FRY: variants seen among roughly 807,000 people sequenced by gnomAD.
The protein encoded by FRY is protein furry homolog.
A neutral mutation model predicts 348.4 loss-of-function variants in FRY; 128 were observed. The observed-to-expected ratio is 0.37, with a 90% CI of 0.32 to 0.43. The LOEUF (loss-of-function observed/expected upper bound fraction) is 0.43. FRY is among the 20% of genes least tolerant of loss of function. FRY has a pLI of 1.00. For missense variants in FRY, 2,736 were observed against 3,695.2 expected (o/e 0.74, Z 6.73); for synonymous variants, 1,370 against 1,374.7 (o/e 1.00, Z 0.08).
intron 2 of FRY, among the ~76,000 whole-genome samples, chr13:32,096,948 A>ATG (rs1229470796): frequency 2.0e-4 from 31 of 151,748 alleles, no homozygotes; most frequent in African/African-American, 7.5e-4. Flanking sequence ...AACAACTTAT[A>ATG]TATATATATC....
chr13:32,251,720 A>T (rs1887091607), intron 49 of FRY, among the ~76,000 whole-genome samples, 158 bp from the exon 50 acceptor site: 1 of 152,170 alleles, frequency 6.6e-6, no homozygotes, highest in African/African-American at 2.4e-5. Flanking sequence ...ACAATTTTTA[A>T]TTGCTATTTG....
chr13:32,179,922 A>T (rs1221291288), intron 23 of FRY, 123 bp downstream of exon 23: 1 of 890,690 alleles, frequency 1.1e-6, no homozygotes, highest in Non-Finnish European at 1.9e-6. Context: ...GCTTTGTGTG[A>T]CTTCCCACTA....
intron 17 of FRY, among the ~76,000 whole-genome samples, chr13:32,168,949 G>A (rs1190530587): frequency 2.0e-5 from 3 of 152,216 alleles, no homozygotes; most frequent in Non-Finnish European, 1.5e-5. Flanking sequence ...TTAAAGATTA[G>A]AAGTCCTAAA....
chr13:32,266,750 G>A (rs915004899), intron 54 of FRY, among the ~76,000 whole-genome samples: 1 of 152,204 alleles, frequency 6.6e-6, no homozygotes, highest in Non-Finnish European at 1.5e-5. Context: ...TTGGGAGGCC[G>A]AACTGGGTGG....
intron 29 of FRY, among the ~76,000 whole-genome samples, chr13:32,194,832 A>C (rs1411950968): frequency 2.0e-5 from 3 of 152,236 alleles, no homozygotes; most frequent in South Asian, 2.1e-4. Flanking sequence ...AGCATGATTT[A>C]TGTGCTGAAA....
chr13:32,173,313 C>A (rs1882197101), intron 18 of FRY, 54 bp from the exon 19 acceptor site: 17 of 1,371,134 alleles, frequency 1.2e-5, no homozygotes, highest in Non-Finnish European at 1.6e-5. Context: ...TGAGTGTATT[C>A]TTCTTCCTTT....
At chr13:32,066,318 G>A (rs1003419122) in intron 1 of FRY, among the ~76,000 whole-genome samples, 1 of 152,194 alleles carries the variant, frequency 6.6e-6, no homozygotes, top group Non-Finnish European at 1.5e-5. Flanking sequence ...TAGCTCTAAT[G>A]TTTTGAAAGC....
At chr13:32,054,393 A>G (rs998169120) in intron 1 of FRY, among the ~76,000 whole-genome samples, 6 of 150,764 alleles carry the variant, frequency 4.0e-5, no homozygotes, top group Admixed American at 1.3e-4. Context: ...GATTTTCTGC[A>G]TTCAATTTGC....
At chr13:32,145,887 C>T (rs552023032) in intron 11 of FRY, among the ~76,000 whole-genome samples, 1 of 152,308 alleles carries the variant, frequency 6.6e-6, no homozygotes, top group South Asian at 2.1e-4. Flanking sequence ...GCTGGTCTCC[C>T]TGCCTCTGCT....
At chr13:32,162,922 C>T (rs1304307853) in intron 17 of FRY, among the ~76,000 whole-genome samples, 2 of 152,144 alleles carry the variant, frequency 1.3e-5, no homozygotes, top group Non-Finnish European at 2.9e-5. Context: ...AAGGGCTTTC[C>T]AGTTCAGGGC....
At chr13:32,263,932 G>A (rs1054237854) in intron 53 of FRY, among the ~76,000 whole-genome samples, 7 of 152,112 alleles carry the variant, frequency 4.6e-5, no homozygotes, top group African/African-American at 7.2e-5. Context: ...GCTTGAACCC[G>A]GGAAGCAGAG....
intron 3 of FRY, 108 bp from the exon 4 acceptor site, chr13:32,117,226 G>A: frequency 1.0e-6 from 1 of 984,984 alleles, no homozygotes; most frequent in South Asian, 1.4e-5. Flanking sequence ...CTGTGATACG[G>A]AAGAAAATAT....
intron 1 of FRY, among the ~76,000 whole-genome samples, chr13:32,072,275 G>A (rs1304880660): frequency 6.6e-6 from 1 of 152,100 alleles, no homozygotes; most frequent in Non-Finnish European, 1.5e-5. Context: ...AATTAATTAA[G>A]CTTGCCTTTG....
chr13:32,218,834 AAGT>A lies in FRY; in HGVS notation c.4765+5_4765+7del. On this transcript the variant is annotated splice_donor_5th_base_variant and intron_variant, in intron 36 of 60. Coordinates refer to ENST00000542859, the MANE Select transcript of FRY (RefSeq NM_023037.3). The stretch of plus-strand genomic sequence containing the variant: ...AGGATCCTACGATGAAGATAAAAGT[AAGT>A]ACCAACAGGCTGTGGGCTTTCAGAC... The A allele has an allele frequency of 6.5e-7, 1 of 1,545,586 alleles. No individual in the cohort carries two copies. The highest frequency in any genetic ancestry group is 8.9e-7 in the Non-Finnish European group (1 of 1,117,556).
At chr13:32,114,510 T>C (rs1289999471) in intron 3 of FRY, among the ~76,000 whole-genome samples, 1 of 152,222 alleles carries the variant, frequency 6.6e-6, no homozygotes, top group Non-Finnish European at 1.5e-5. Flanking sequence ...TTTCTTTTTC[T>C]CTGATATCTT....
intron 15 of FRY, among the ~76,000 whole-genome samples, chr13:32,156,680 A>C (rs1167116679): frequency 6.6e-6 from 1 of 152,160 alleles, no homozygotes; most frequent in Non-Finnish European, 1.5e-5. Context: ...ACAAATTTTA[A>C]ATACAAAGGT....
rs1881670095 is a variant in FRY, at chr13:32,165,281, C to T, written c.1892+4030C>T. On this transcript the variant is annotated intron_variant, in intron 17 of 60. Coordinates refer to ENST00000542859, the MANE Select transcript of FRY (RefSeq NM_023037.3). ...TCTAGGGTATCTAAAAATCATTAAA[C>T]ATTTATTCTGCTTTCCCTTTTCCAC... Among the ~76,000 whole-genome samples, 3 of 152,326 alleles carry T rather than the reference C, an allele frequency of 2.0e-5. No homozygotes were observed. In the South Asian group the frequency reaches 6.2e-4, roughly 32 times the overall value.
At chr13:32,119,265 G>A (rs1878498937) in intron 4 of FRY, among the ~76,000 whole-genome samples, 1 of 152,242 alleles carries the variant, frequency 6.6e-6, no homozygotes, top group Middle Eastern at 3.4e-3. Context: ...AGGTTGGGGG[G>A]ACTTTAAGGA....
At chr13:32,209,172 T>G (rs1884532290) in intron 32 of FRY, 63 bp downstream of exon 32, 1 of 1,576,826 alleles carries the variant, frequency 6.3e-7, no homozygotes, top group Non-Finnish European at 8.7e-7. Context: ...AACCCTGGGT[T>G]AGTCAAACCC....
Sources: allele counts gnomAD v4.1 joint callset (sites outside exome capture counted in the v4.1 genomes callset), GRCh38; gene constraint gnomAD v4.1.1; transcripts MANE v1.5; gene names NCBI Gene and HGNC (gene_info 2026-07-23, HGNC 2026-07-21).